EPHA8: variants seen among roughly 807,000 people sequenced by gnomAD.
EPHA8 encodes EPH receptor A8.
In EPHA8, 58 loss-of-function variants were observed where a neutral mutation model predicts 103.6. The ratio of observed to expected loss-of-function variants is 0.56; its 90% CI spans 0.45 to 0.70. EPHA8 has a LOEUF of 0.70. Among genes scored for constraint, EPHA8 ranks in the 30% least tolerant of loss-of-function variants. The pLI, the probability that EPHA8 is intolerant of heterozygous loss-of-function variation, is 0.00. For synonymous variants in EPHA8, 559 were observed against 572.5 expected (o/e 0.98, Z 0.34); for missense variants, 1,304 against 1,395.2 (o/e 0.93, Z 1.04).
At chr1:22,578,304 CTGTGTGCATATGTATGCA>C (rs1640838203) in intron 3 of EPHA8, among the ~76,000 whole-genome samples, 1 of 126,788 alleles carries the variant, frequency 7.9e-6, no homozygotes, top group African/African-American at 3.1e-5. Context: ...GAGTCTATGC[CTGTGTGCATATGTATGCA>C]TGTGTGCATG....
intron 3 of EPHA8, among the ~76,000 whole-genome samples, chr1:22,582,674 A>G (rs984982735): frequency 1.6e-4 from 24 of 152,140 alleles, no homozygotes; most frequent in African/African-American, 5.3e-4. Flanking sequence ...CTCCTTGCCC[A>G]GAGGAAGCTC....
intron 3 of EPHA8, among the ~76,000 whole-genome samples, chr1:22,578,341 CATGT>C (rs1214190582): frequency 2.3e-5 from 3 of 132,396 alleles, no homozygotes; most frequent in African/African-American, 5.7e-5. Flanking sequence ...TGAGTGTATG[CATGT>C]GTGTATGTGT....
chr1:22,577,933 G>GT, intron 3 of EPHA8, among the ~76,000 whole-genome samples: 1 of 100,800 alleles, frequency 9.9e-6, no homozygotes, highest in Non-Finnish European at 2.0e-5. Context: ...ATGTGTGCGT[G>GT]AGTGTATGTG....
Position 22,576,776 on chromosome 1 carries a change from G to A in EPHA8, c.719G>A (p.Arg240Gln), listed in dbSNP as rs746259616. Residue 240 changes from arginine (R) to glutamine (Q), a missense_variant, in exon 3 of 17, where the codon CGG (arginine) becomes CAG (glutamine). Coordinates refer to ENST00000166244, the MANE Select transcript of EPHA8 (RefSeq NM_020526.5). This position sits in a 1 kb window ranked among gnomAD's most constrained non-coding sequence, Gnocchi z 4.8. ...RGQCVRHSEERDTPKMYCSAE... is the reference protein window; with the variant it reads ...RGQCVRHSEEQDTPKMYCSAE... ...CAGTGCGTGCGGCACTCAGAGGAGC[G>A]GGACACACCCAAGATGTACTGCAGC... 1.9e-6 allele frequency: 3 copies of A among 1,613,764 alleles called. No homozygotes were observed. The South Asian group carries it at 3.3e-5, about 18-fold the overall frequency.
Position 22,602,903 on chromosome 1 carries a change from G to C in EPHA8, c.*1162G>C, listed in dbSNP as rs527909279. On this transcript the variant is annotated 3_prime_UTR_variant, in exon 17 of 17. Coordinates refer to ENST00000166244, the MANE Select transcript of EPHA8 (RefSeq NM_020526.5). ...CATACACCATCCCACAAGGGCGCTG[G>C]GGGTGGAAGTGCCCTGGAAGCCCCT... 6.6e-6 allele frequency: 1 copy of C among 152,622 alleles called. No individual in the cohort carries two copies. The highest frequency in any genetic ancestry group is 1.5e-5 in the Non-Finnish European group (1 of 68,038). 9.5% of individuals were successfully genotyped at this position (152,622 alleles called of 1,614,324 possible). A position where few individuals can be genotyped will look rare whatever the true frequency, so the allele number is the denominator to read the frequency against.
At position 22,601,947 on chromosome 1, in the gene EPHA8, A is replaced by T. The variant is rs867331707; in HGVS notation, c.*206A>T. ...GGGGCCTTTGGTGGCCACCCTGGTGAGGACACCTGTCCCCCAGGGCAGGCA... is the reference window on the plus strand; with the variant it reads ...GGGGCCTTTGGTGGCCACCCTGGTGTGGACACCTGTCCCCCAGGGCAGGCA... On this transcript the variant is annotated 3_prime_UTR_variant, in exon 17 of 17. Transcript: ENST00000166244. The T allele has an allele frequency of 1.5e-4, 88 of 600,818 alleles. 1 individual carries two copies. The Middle Eastern group carries it at 3.9e-3, about 27-fold the overall frequency. 37.2% of individuals were successfully genotyped at this position (600,818 alleles called of 1,614,324 possible). A position where few individuals can be genotyped will look rare whatever the true frequency, so the allele number is the denominator to read the frequency against.
intron 3 of EPHA8, among the ~76,000 whole-genome samples, chr1:22,579,122 T>C (rs944525991): frequency 7.0e-4 from 89 of 126,356 alleles, no homozygotes; most frequent in African/African-American, 2.2e-3. Flanking sequence ...TGTGTACGTG[T>C]ATGTGTGCAT....
chr1:22,588,303 G>T (rs1570006123), intron 4 of EPHA8, among the ~76,000 whole-genome samples: 1 of 151,946 alleles, frequency 6.6e-6, no homozygotes, highest in Admixed American at 6.6e-5. Flanking sequence ...CAACCAAGGG[G>T]TCACCCCTCT....
chr1:22,578,547 G>A (rs111162214), intron 3 of EPHA8, among the ~76,000 whole-genome samples: 11,527 of 145,382 alleles, frequency 0.079, 446 homozygotes, highest in South Asian at 0.19. Flanking sequence ...GCATGTGTGC[G>A]TGAGTGTGCA....
Position 22,601,759 on chromosome 1 carries a change from C to G in EPHA8, c.*18C>G. ...ACCTCTGATGTACAGCCAGCAGGGC[C>G]CAGGCAGCCACCAAGCCCACCCCAG... On this transcript the variant is annotated 3_prime_UTR_variant, in exon 17 of 17. Transcript: ENST00000166244. The G allele has an allele frequency of 6.5e-7, 1 of 1,549,766 alleles. No homozygotes were observed.
Position 22,563,769 on chromosome 1 carries a change from G to A in EPHA8, c.94+40G>A, listed in dbSNP as rs1327215350. On this transcript the variant is annotated intron_variant, in intron 1 of 16. Transcript: ENST00000166244. This position sits in a 1 kb window ranked among gnomAD's most constrained non-coding sequence, Gnocchi z 4.4. The stretch of plus-strand genomic sequence containing the variant: ...CGGGGCGGGGCAGGGGCGGCCGAGG[G>A]GCGCGGGGCGCGGCGCGCGCTGCCT... 1 of 148,696 alleles carries A rather than the reference G, an allele frequency of 6.7e-6. No homozygotes were observed. Among genetic ancestry groups the A allele is most frequent in the Non-Finnish European group, 1.5e-5 (1 of 66,476 alleles). 9.2% of individuals were successfully genotyped at this position (148,696 alleles called of 1,614,324 possible). A position where few individuals can be genotyped will look rare whatever the true frequency, so the allele number is the denominator to read the frequency against.
At position 22,589,833 on chromosome 1, in the gene EPHA8, T is replaced by G. The variant is rs1641328621; in HGVS notation, c.1315+627T>G. ...AGAGCCCTCCTAGGGCAGCTTCCTA[T>G]TAACAGCCACCCTCACCTGTGCCCA... is the stretch of plus-strand genomic sequence containing the variant. On this transcript the variant is annotated intron_variant, in intron 5 of 16. Coordinates refer to ENST00000166244, the MANE Select transcript of EPHA8 (RefSeq NM_020526.5). This position sits in a 1 kb window ranked among gnomAD's most constrained non-coding sequence, Gnocchi z 4.3. Among the ~76,000 whole-genome samples, 2 of 152,000 alleles carry G rather than the reference T, an allele frequency of 1.3e-5. No individual in the cohort carries two copies. The highest frequency in any genetic ancestry group is 4.1e-4 in the South Asian group (2 of 4,826).
chr1:22,571,577 C>T (rs1488680634), intron 2 of EPHA8, among the ~76,000 whole-genome samples: 4 of 152,148 alleles, frequency 2.6e-5, no homozygotes, highest in Non-Finnish European at 5.9e-5. Context: ...GAGGCAGGGA[C>T]CACCTGCCAT....
intron 3 of EPHA8, among the ~76,000 whole-genome samples, chr1:22,581,982 C>A (rs188112234): frequency 6.6e-6 from 1 of 152,322 alleles, no homozygotes; most frequent in East Asian, 1.9e-4. Context: ...GGTCCAAGAG[C>A]CCTGCCTGGT....
chr1:22,564,755 C>T (rs972044779), intron 1 of EPHA8, among the ~76,000 whole-genome samples: 4 of 152,110 alleles, frequency 2.6e-5, no homozygotes, highest in Admixed American at 2.6e-4. Flanking sequence ...CCCTGACCCT[C>T]CTCTGTTCCC....
chr1:22,600,842 G>A (rs187784192), intron 14 of EPHA8, 32 bp downstream of exon 14: 125 of 1,589,474 alleles, frequency 7.9e-5, no homozygotes, highest in Admixed American at 2.2e-4. Flanking sequence ...GTCCGCGGGC[G>A]GTGGAGCCTC....
chr1:22,593,550 C>T lies in EPHA8; in HGVS notation c.1467C>T (p.Thr489=). The change falls in exon 7 of 17, where the codon ACC becomes ACT. Residue 489 remains threonine (T), a synonymous_variant. Coordinates refer to ENST00000166244, the MANE Select transcript of EPHA8 (RefSeq NM_020526.5). ...EKDKEMQSYS[T]LKAVTTRATV... ...ACAAGGAGATGCAGAGCTACTCCACCCTCAAGGCCGTCACCACCAGAGCCA... is the reference window on the plus strand; with the variant it reads ...ACAAGGAGATGCAGAGCTACTCCACTCTCAAGGCCGTCACCACCAGAGCCA... The T allele has an allele frequency of 6.2e-7, 1 of 1,612,522 alleles. No individual in the cohort carries two copies. Among genetic ancestry groups the T allele is most frequent in the Non-Finnish European group, 8.5e-7 (1 of 1,179,786 alleles).
At chr1:22,584,069 T>C (rs866043620) in intron 3 of EPHA8, among the ~76,000 whole-genome samples, 1 of 152,330 alleles carries the variant, frequency 6.6e-6, no homozygotes, top group Middle Eastern at 3.4e-3. Context: ...TCGTTGTGGA[T>C]TGGATCATTA....
chr1:22,589,617 T>C lies in EPHA8; in HGVS notation c.1315+411T>C. 1 of 1,253,698 alleles carries C rather than the reference T, an allele frequency of 8.0e-7. No individual in the cohort carries two copies. Among genetic ancestry groups the C allele is most frequent in the Non-Finnish European group, 1.0e-6 (1 of 1,001,738 alleles). 77.7% of individuals were successfully genotyped at this position (1,253,698 alleles called of 1,614,324 possible). A position where few individuals can be genotyped will look rare whatever the true frequency, so the allele number is the denominator to read the frequency against. On this transcript the variant is annotated intron_variant, in intron 5 of 16. Coordinates refer to ENST00000166244, the MANE Select transcript of EPHA8 (RefSeq NM_020526.5). The surrounding 1 kb of genome is among the most constrained non-coding windows in gnomAD (Gnocchi z 4.3). ...ATGCTCAATAAATGTCATTAAAAAA[T>C]AAAATCACTCGGATGATCATTTTCC...
Sources: allele counts gnomAD v4.1 joint callset (sites outside exome capture counted in the v4.1 genomes callset), GRCh38; gene constraint gnomAD v4.1.1; non-coding constraint Gnocchi (gnomAD v3.1); transcripts MANE v1.5; gene names NCBI Gene and HGNC (gene_info 2026-07-23, HGNC 2026-07-21).